Variants in ZCCHC17 observed in about 807,000 individuals in gnomAD.
The protein encoded by ZCCHC17 is zinc finger CCHC domain-containing protein 17.
A neutral mutation model predicts 30.6 loss-of-function variants in ZCCHC17; 18 were observed. The observed-to-expected ratio is 0.59, with a 90% confidence interval of 0.41 to 0.87. The LOEUF (loss-of-function observed/expected upper bound fraction) is 0.87, where lower values mean the gene tolerates loss of function less well. Among genes scored for constraint, ZCCHC17 ranks in the 40% least tolerant of loss-of-function variants. The pLI, the probability that ZCCHC17 is intolerant of heterozygous loss-of-function variation, is 0.00. For synonymous variants in ZCCHC17, 88 were observed against 92.4 expected (o/e 0.95, Z 0.27); for missense variants, 263 against 284.2 (o/e 0.93, Z 0.54).
chr1:31,323,917 A>G (rs1381276244), intron 3 of ZCCHC17, among the ~76,000 whole-genome samples: 1 of 152,222 alleles, frequency 6.6e-6, no homozygotes, highest in East Asian at 1.9e-4. Flanking sequence ...TAGTGTAAGT[A>G]GAGAATTACA....
At chr1:31,340,321 T>G (rs1039906452) in intron 5 of ZCCHC17, among the ~76,000 whole-genome samples, 32 of 146,934 alleles carry the variant, frequency 2.2e-4, no homozygotes, top group African/African-American at 7.6e-4. Context: ...GAGGGTTTTT[T>G]TTTTTTTTTT....
At chr1:31,317,372 T>C (rs1646762082) in intron 2 of ZCCHC17, among the ~76,000 whole-genome samples, 1 of 152,166 alleles carries the variant, frequency 6.6e-6, no homozygotes, top group Non-Finnish European at 1.5e-5. Context: ...TCACTAATCT[T>C]TTTGTGCTTC....
intron 1 of ZCCHC17, 160 bp downstream of exon 1, chr1:31,297,235 C>T (rs2148395978): frequency 2.5e-6 from 1 of 399,230 alleles, no homozygotes; most frequent in East Asian, 3.6e-5. Context: ...CCTGGGCTCC[C>T]TTTCGGGGCA....
intron 1 of ZCCHC17, among the ~76,000 whole-genome samples, chr1:31,303,117 C>T (rs564557291): frequency 2.7e-5 from 4 of 146,754 alleles, no homozygotes; most frequent in South Asian, 2.1e-4. Flanking sequence ...TCTCTACCCC[C>T]CCTCAAAAAA....
intron 5 of ZCCHC17, among the ~76,000 whole-genome samples, chr1:31,339,318 C>T (rs1053725553): frequency 2.0e-5 from 3 of 152,078 alleles, no homozygotes; most frequent in African/African-American, 7.2e-5. Flanking sequence ...GCCAACATGG[C>T]GAAACCCCGT....
At chr1:31,308,460 A>G (rs77289635) in intron 1 of ZCCHC17, among the ~76,000 whole-genome samples, 1 of 152,252 alleles carries the variant, frequency 6.6e-6, no homozygotes, top group Non-Finnish European at 1.5e-5. Flanking sequence ...CAGGACATCA[A>G]GTCATCCTCT....
intron 7 of ZCCHC17, among the ~76,000 whole-genome samples, chr1:31,355,178 TAAAAAAAA>T (rs59792081): frequency 0.48 from 65,464 of 137,756 alleles, 17,717 homozygotes; most frequent in Non-Finnish European, 0.62. Flanking sequence ...CCATCTCAAT[TAAAAAAAA>T]AAAAAAAAAA....
intron 2 of ZCCHC17, among the ~76,000 whole-genome samples, chr1:31,317,824 A>C (rs1646773431): frequency 6.6e-6 from 1 of 152,160 alleles, no homozygotes; most frequent in African/African-American, 2.4e-5. Flanking sequence ...TATGCTTTCT[A>C]GGATTGTTGC....
intron 3 of ZCCHC17, among the ~76,000 whole-genome samples, chr1:31,328,829 CTCTT>C (rs760581801): frequency 7.9e-5 from 12 of 152,146 alleles, no homozygotes; most frequent in African/African-American, 1.2e-4. Flanking sequence ...CCCAACCCTC[CTCTT>C]TCTTCCTAGA....
intron 7 of ZCCHC17, among the ~76,000 whole-genome samples, chr1:31,350,070 CAT>C (rs1191357916): frequency 6.6e-6 from 1 of 152,178 alleles, no homozygotes; most frequent in Non-Finnish European, 1.5e-5. Flanking sequence ...CAGAGCAATT[CAT>C]AAAACAGATA....
chr1:31,337,903 T>TA (rs1638883449), intron 4 of ZCCHC17, among the ~76,000 whole-genome samples: 1 of 152,192 alleles, frequency 6.6e-6, no homozygotes, highest in African/African-American at 2.4e-5. Flanking sequence ...GTTTGGGAGA[T>TA]ATAAGAGCGA....
rs1431247235 is a variant in ZCCHC17 at position 31,319,127 on chromosome 1, T to A, written c.85T>A (p.Tyr29Asn). The A allele has an allele frequency of 6.2e-7, 1 of 1,611,316 alleles. No individual in the cohort carries two copies. The highest frequency in any genetic ancestry group is 8.5e-7 in the Non-Finnish European group (1 of 1,177,912). ...TTTATAGGTTGCTATGGTGACAGAC[T>A]ATGGGGCCTTTATCAAAATCCCAGG... The part of the protein sequence containing the change: ...FQGEVAMVTD[Y>N]GAFIKIPGCR... The change falls in exon 3 of 8, where the codon TAT becomes AAT. Residue 29 changes from tyrosine (Y) to asparagine (N), a missense_variant. Physicochemically the swap from Tyr to Asn is moderately radical, Grantham distance 143. Coordinates refer to ENST00000344147, the MANE Select transcript of ZCCHC17 (RefSeq NM_016505.4).
At chr1:31,311,081 T>C (rs184598056) in intron 2 of ZCCHC17, among the ~76,000 whole-genome samples, 37 of 152,328 alleles carry the variant, frequency 2.4e-4, no homozygotes, top group Admixed American at 4.6e-4. Flanking sequence ...TGTTTTTGTT[T>C]TTGTTTTTTA....
intron 1 of ZCCHC17, among the ~76,000 whole-genome samples, chr1:31,302,479 A>G (rs1646340447): frequency 6.6e-6 from 1 of 152,200 alleles, no homozygotes; most frequent in Non-Finnish European, 1.5e-5. Context: ...ATGGATCCAG[A>G]CGTTGCTCAT....
At chr1:31,318,163 T>C in intron 2 of ZCCHC17, 1 of 1,533,326 alleles carries the variant, frequency 6.5e-7, no homozygotes, top group East Asian at 2.4e-5. Context: ...TCCCCTTGTT[T>C]TAGTTATGGT....
At chr1:31,335,887 T>G (rs1638795453) in intron 3 of ZCCHC17, among the ~76,000 whole-genome samples, 1 of 152,216 alleles carries the variant, frequency 6.6e-6, no homozygotes, top group African/African-American at 2.4e-5. Context: ...TAACTTAACG[T>G]CTATCATAAA....
chr1:31,348,282 A>G (rs1479643720), intron 6 of ZCCHC17, among the ~76,000 whole-genome samples: 3 of 152,136 alleles, frequency 2.0e-5, no homozygotes, highest in African/African-American at 7.2e-5. Flanking sequence ...CAAATGTAGG[A>G]TGGATTTAAT....
At chr1:31,338,134 CTTTTTT>C (rs745793056) in intron 4 of ZCCHC17, among the ~76,000 whole-genome samples, 8 of 126,356 alleles carry the variant, frequency 6.3e-5, no homozygotes, top group East Asian at 2.4e-4. Flanking sequence ...TAAACCTGGC[CTTTTTT>C]TTTTTTTTTT....
At chr1:31,327,219 A>G (rs937361953) in intron 3 of ZCCHC17, among the ~76,000 whole-genome samples, 13 of 152,204 alleles carry the variant, frequency 8.5e-5, no homozygotes, top group Admixed American at 8.5e-4. Flanking sequence ...TTCTGACATT[A>G]TTTATCTGGA....
Sources: allele counts gnomAD v4.1 joint callset (sites outside exome capture counted in the v4.1 genomes callset), GRCh38; gene constraint gnomAD v4.1.1; transcripts MANE v1.5; gene names NCBI Gene and HGNC (gene_info 2026-07-23, HGNC 2026-07-21).